Variants in ANO10 observed in about 807,000 individuals in gnomAD.
ANO10 encodes the protein anoctamin-10.
Under a neutral mutation model 74.7 loss-of-function variants are expected in ANO10, and 77 were observed. That is an observed-to-expected ratio of 1.03 (90% CI 0.86 to 1.25). ANO10 has a LOEUF of 1.25. Ranked by LOEUF, ANO10 falls within the 50% of genes most tolerant of loss-of-function variation. The probability of loss-of-function intolerance (pLI) is 0.00; values close to 1 mark genes in which losing one functional copy is unlikely to be tolerated. For missense variants in ANO10, 721 were observed against 778.1 expected, an observed-to-expected ratio of 0.93 and a Z score of 0.87; for synonymous variants, 279 against 284.9, an observed-to-expected ratio of 0.98 and a Z score of 0.21.
At chr3:43,509,535 T>C (rs1332046820) in intron 11 of ANO10, among the ~76,000 whole-genome samples, 2 of 152,118 alleles carry the variant, frequency 1.3e-5, no homozygotes, top group Non-Finnish European at 2.9e-5. Flanking sequence ...AAATAAAAAT[T>C]AGTGATAGCA....
chr3:43,450,272 G>A (rs984540862), intron 11 of ANO10, among the ~76,000 whole-genome samples: 4 of 152,164 alleles, frequency 2.6e-5, no homozygotes, highest in African/African-American at 9.7e-5. Context: ...CAGGCACAGT[G>A]GCTCATGCCT....
intron 1 of ANO10, among the ~76,000 whole-genome samples, chr3:43,671,709 TC>T (rs763589902): frequency 1.1e-4 from 16 of 151,978 alleles, no homozygotes; most frequent in Non-Finnish European, 2.4e-4. Flanking sequence ...GGTTTAAATG[TC>T]TAGTTTTAGG....
rs550332501 is a variant in ANO10 at position 43,655,697 on chromosome 3, G to T, written c.-12+35820C>A. ...AGTATGGACACAAAGGTTCTCCAAG[G>T]CCCCACCAGAGCAGCTAGATAGAGT... On this transcript the variant is annotated intron_variant, in intron 1 of 3. Transcript: ENST00000413397. 2.0e-5 allele frequency among the ~76,000 whole-genome samples: 3 copies of T among 151,798 alleles called. No homozygotes were observed. The South Asian group carries it at 6.3e-4, about 32-fold the overall frequency.
chr3:43,556,113 A>G (rs2079735176), intron 9 of ANO10, among the ~76,000 whole-genome samples: 1 of 152,190 alleles, frequency 6.6e-6, no homozygotes, highest in Non-Finnish European at 1.5e-5. Flanking sequence ...GTTGTGTTGC[A>G]GCATCTAGTT....
intron 11 of ANO10, among the ~76,000 whole-genome samples, chr3:43,478,416 T>C (rs1401316767): frequency 1.3e-5 from 2 of 152,202 alleles, no homozygotes; most frequent in Non-Finnish European, 2.9e-5. Flanking sequence ...ATTTTATAGA[T>C]TAAGAAATTA....
intron 3 of ANO10, among the ~76,000 whole-genome samples, chr3:43,599,247 A>C (rs1034565104): frequency 6.6e-6 from 1 of 152,226 alleles, no homozygotes; most frequent in African/African-American, 2.4e-5. Context: ...GTGAATCCAA[A>C]GAAGTCTAAT....
chr3:43,536,490 C>T (rs1173355388), intron 11 of ANO10, among the ~76,000 whole-genome samples: 1 of 152,044 alleles, frequency 6.6e-6, no homozygotes, highest in East Asian at 1.9e-4. Context: ...CATTTTTGTT[C>T]TTAAGTTTGA....
intron 1 of ANO10, among the ~76,000 whole-genome samples, chr3:43,648,326 C>CA (rs932916927): frequency 6.6e-6 from 1 of 152,246 alleles, no homozygotes; most frequent in South Asian, 2.1e-4. Flanking sequence ...GGTCTGGATC[C>CA]AAACCCCAAG....
chr3:43,458,021 A>G lies in ANO10; in HGVS notation c.1798-25294T>C, dbSNP rs1210790770. 2.0e-5 allele frequency among the ~76,000 whole-genome samples: 3 copies of G among 152,134 alleles called. No individual in the cohort carries two copies. In the East Asian group the frequency reaches 5.8e-4, roughly 29 times the overall value. On this transcript the variant is annotated intron_variant, in intron 11 of 12. Coordinates refer to ENST00000292246, the MANE Select transcript of ANO10 (RefSeq NM_018075.5). ...ACTTAAGTTTCTTTGTCTCCCTTTC[A>G]TTGAGTGACACTGAGCTCCAGGCAA...
intron 11 of ANO10, among the ~76,000 whole-genome samples, chr3:43,515,295 G>A (rs941459945): frequency 3.9e-5 from 6 of 152,166 alleles, no homozygotes; most frequent in Non-Finnish European, 8.8e-5. Context: ...CTCAATGTGG[G>A]TGAGCCTCAT....
At chr3:43,690,732 G>A in intron 1 of ANO10, 1 of 420,714 alleles carries the variant, frequency 2.4e-6, no homozygotes, top group Non-Finnish European at 4.2e-6. Context: ...CAGTCCCTCT[G>A]GGCTGACTGT....
At chr3:43,573,301 T>C (rs1039815482) in intron 7 of ANO10, among the ~76,000 whole-genome samples, 2 of 152,204 alleles carry the variant, frequency 1.3e-5, no homozygotes, top group African/African-American at 4.8e-5. Flanking sequence ...TACTTTTCCC[T>C]TTCCTATTGC....
upstream of ANO10, among the ~76,000 whole-genome samples, chr3:43,625,494 A>C (rs2083483319): frequency 6.6e-6 from 1 of 152,316 alleles, no homozygotes; most frequent in Non-Finnish European, 1.5e-5. Flanking sequence ...TTTAGTAGTG[A>C]TCAATCAGTA....
intron 12 of ANO10, among the ~76,000 whole-genome samples, chr3:43,399,930 A>G (rs1274783500): frequency 6.6e-6 from 1 of 152,074 alleles, no homozygotes; most frequent in Non-Finnish European, 1.5e-5. Context: ...TGGGGAAGTT[A>G]ATGAACTGCC....
intron 12 of ANO10, chr3:43,372,663 C>T (rs891424743): frequency 1.8e-5 from 10 of 567,352 alleles, no homozygotes; most frequent in African/African-American, 1.3e-4. Context: ...CTGCACTCCT[C>T]GCATTACCAT....
At chr3:43,429,440 C>G (rs1452327691) in intron 12 of ANO10, among the ~76,000 whole-genome samples, 1 of 151,998 alleles carries the variant, frequency 6.6e-6, no homozygotes, top group Non-Finnish European at 1.5e-5. Context: ...TCCTGAGTAA[C>G]ATGAAGCATG....
chr3:43,514,945 G>C (rs775433151), intron 11 of ANO10, among the ~76,000 whole-genome samples: 1 of 152,160 alleles, frequency 6.6e-6, no homozygotes, highest in African/African-American at 2.4e-5. Context: ...ACACTTGCCA[G>C]AATATGTGGG....
chr3:43,619,783 C>T (rs1363226827), intron 1 of ANO10, among the ~76,000 whole-genome samples: 1 of 151,712 alleles, frequency 6.6e-6, no homozygotes, highest in South Asian at 2.1e-4. Flanking sequence ...GGGAGGATCA[C>T]CTGACCCCAG....
At chr3:43,566,150 C>T (rs1278447582) in intron 7 of ANO10, among the ~76,000 whole-genome samples, 4 of 152,168 alleles carry the variant, frequency 2.6e-5, no homozygotes, top group Admixed American at 2.6e-4. Context: ...TGGCGCACCA[C>T]GAGATTATAT....
Sources: allele counts gnomAD v4.1 joint callset (sites outside exome capture counted in the v4.1 genomes callset), GRCh38; gene constraint gnomAD v4.1.1; transcripts MANE v1.5; gene names NCBI Gene and HGNC (gene_info 2026-07-23, HGNC 2026-07-21).